The following ITGAE variants were observed in gnomAD, a reference collection of about 807,000 sequenced individuals.
ITGAE encodes integrin subunit alpha E, also known as integrin alpha-E.
In ITGAE, 99 loss-of-function variants were observed where a neutral mutation model predicts 136.5. That is an observed-to-expected ratio of 0.73 (90% confidence interval 0.62 to 0.86). The LOEUF (loss-of-function observed/expected upper bound fraction) is 0.86. ITGAE is among the 40% of genes least tolerant of loss of function. ITGAE has a pLI of 0.00. For missense variants in ITGAE, 1,447 were observed against 1,515.3 expected (o/e 0.95, Z 0.75); for synonymous variants, 613 against 591.8 (o/e 1.04, Z -0.52).
At chr17:3,749,137 C>T (rs1288541923) in intron 16 of ITGAE, among the ~76,000 whole-genome samples, 6 of 151,646 alleles carry the variant, frequency 4.0e-5, no homozygotes, top group African/African-American at 9.7e-5. Flanking sequence ...TCAAAGATGA[C>T]GCCTACGTTT....
At chr17:3,768,739 C>A (rs1597350627) in intron 2 of ITGAE, among the ~76,000 whole-genome samples, 1 of 152,352 alleles carries the variant, frequency 6.6e-6, no homozygotes, top group Non-Finnish European at 1.5e-5. Flanking sequence ...TGATTTCCTT[C>A]TCAGAACCTG....
rs775170860 is a variant in ITGAE at position 3,761,417 on chromosome 17, T to C, written c.419A>G (p.Asn140Ser). The change falls in exon 5 of 31, where the codon AAC becomes AGC. Residue 140 changes from asparagine to serine, a missense_variant. Asn to Ser is a conservative substitution (Grantham distance 46). Coordinates refer to ENST00000263087, the MANE Select transcript of ITGAE (RefSeq NM_002208.5). ...GPDLRPQAQA[N>S]FFDLENLLDP... Reference sequence around the variant, plus strand: ...CCAATCCTTACCAAGGTCGAAGAAGTTGGCCTGAGCCTGGGGACGGAGGTC... The same window carrying C: ...CCAATCCTTACCAAGGTCGAAGAAGCTGGCCTGAGCCTGGGGACGGAGGTC... 1 of 1,612,706 alleles carries C rather than the reference T, an allele frequency of 6.2e-7. No homozygotes were observed. The highest frequency in any genetic ancestry group is 1.7e-5 in the Admixed American group (1 of 59,732).
At chr17:3,729,991 C>T (rs1481128270) in intron 23 of ITGAE, among the ~76,000 whole-genome samples, 1 of 152,162 alleles carries the variant, frequency 6.6e-6, no homozygotes, top group Non-Finnish European at 1.5e-5. Context: ...AACCCAGCAC[C>T]TAGTTACTAA....
chr17:3,780,199 C>T (rs1285874557), intron 1 of ITGAE, among the ~76,000 whole-genome samples: 1 of 141,268 alleles, frequency 7.1e-6, no homozygotes, highest in African/African-American at 2.7e-5. Context: ...GAAATGGAGT[C>T]ACACTCTGTC....
rs571836596 is a variant in ITGAE at position 3,770,215 on chromosome 17, G to A, written c.156-6255C>T. The stretch of plus-strand genomic sequence containing the variant: ...GCTCACTGCAACCTCTGCCTCCTGG[G>A]TTCAAGTGATTCTCCTGCCTCAGCC... On this transcript the variant is annotated intron_variant, in intron 2 of 30. Coordinates refer to ENST00000263087, the MANE Select transcript of ITGAE (RefSeq NM_002208.5). 2.0e-5 allele frequency among the ~76,000 whole-genome samples: 3 copies of A among 151,220 alleles called. No individual in the cohort carries two copies. The East Asian group carries it at 5.8e-4, about 29-fold the overall frequency.
At chr17:3,748,184 G>A (rs908378260) in intron 16 of ITGAE, 132 bp from the exon 17 acceptor site, 17 of 857,660 alleles carry the variant, frequency 2.0e-5, no homozygotes, top group Non-Finnish European at 2.7e-5. Flanking sequence ...GAGTCTCAGG[G>A]TACAGTGGGG....
chr17:3,794,524 G>A (rs948322269), intron 1 of ITGAE, among the ~76,000 whole-genome samples: 2 of 152,138 alleles, frequency 1.3e-5, no homozygotes, highest in East Asian at 3.9e-4. Flanking sequence ...GGCCTGGCAT[G>A]GTGGCCCACC....
chr17:3,751,947 C>T (rs565986524), intron 14 of ITGAE, 73 bp from the exon 15 acceptor site: 41 of 1,308,642 alleles, frequency 3.1e-5, no homozygotes, highest in African/African-American at 4.4e-5. Context: ...CCCCGATGCA[C>T]GCTCACTGGG....
chr17:3,750,660 C>T (rs905204858), intron 15 of ITGAE, among the ~76,000 whole-genome samples, 178 bp from the exon 16 acceptor site: 1 of 152,048 alleles, frequency 6.6e-6, no homozygotes, highest in Non-Finnish European at 1.5e-5. Flanking sequence ...TTGGATGGAG[C>T]CTCGAAGGGC....
At chr17:3,752,612 C>A (rs561493942) in intron 14 of ITGAE, among the ~76,000 whole-genome samples, 1 of 151,832 alleles carries the variant, frequency 6.6e-6, no homozygotes, top group Non-Finnish European at 1.5e-5. Context: ...AAAAATTAGC[C>A]GGGTGTAGTG....
intron 28 of ITGAE, among the ~76,000 whole-genome samples, chr17:3,722,210 G>A (rs1390538804): frequency 6.6e-6 from 1 of 151,552 alleles, no homozygotes. Context: ...GGTCGGGTGC[G>A]GTGGCTCACG....
chr17:3,714,906 A>G lies in ITGAE; in HGVS notation c.3481T>C (p.Leu1161=). The change falls in exon 31 of 31, where the codon TTG becomes CTG. Residue 1161 remains leucine, a synonymous_variant. Transcript: ENST00000263087. ...AGCTGGGCCTTCCTGATGCTCTCCA[A>G]GTTCAGTTGTTGATATTTTCTTTTA... is the stretch of plus-strand genomic sequence containing the variant. ...FFKRKYQQLN[L]ESIRKAQLKS... The G allele has an allele frequency of 1.2e-6, 2 of 1,610,582 alleles. No homozygotes were observed. Among genetic ancestry groups the G allele is most frequent in the Non-Finnish European group, 1.7e-6 (2 of 1,178,672 alleles).
chr17:3,731,340 T>C (rs1028229695), intron 22 of ITGAE, among the ~76,000 whole-genome samples, 157 bp from the exon 23 acceptor site: 1 of 21,358 alleles, frequency 4.7e-5, no homozygotes, highest in African/African-American at 1.0e-4. Context: ...CCTTCCTTTT[T>C]TTTTTTTTTT....
intron 1 of ITGAE, among the ~76,000 whole-genome samples, chr17:3,795,491 A>G (rs2053043458): frequency 6.6e-6 from 1 of 152,186 alleles, no homozygotes; most frequent in Admixed American, 6.5e-5. Context: ...TGAGGCTCAG[A>G]GAGGGGTGTG....
At chr17:3,747,452 G>T (rs1455881013) in intron 17 of ITGAE, among the ~76,000 whole-genome samples, 2 of 152,090 alleles carry the variant, frequency 1.3e-5, no homozygotes, top group South Asian at 4.2e-4. Flanking sequence ...CGAGTAGCTG[G>T]GATTACAGGC....
In ITGAE at chr17:3,781,357, C is replaced by CT. The variant is rs374966247; in HGVS notation, c.35-3698dup. Among the ~76,000 whole-genome samples, 181 of 145,698 alleles carry CT rather than the reference C, an allele frequency of 1.2e-3. 1 individual carries two copies. The highest frequency in any genetic ancestry group is 2.5e-3 in the African/African-American group (99 of 39,748). ...TCTTTCATTTCTTTTTTCTTTCTTT[C>CT]TTTTTTTTTTGAGATAAAGTCTCGC... is the stretch of plus-strand genomic sequence containing the variant. On this transcript the variant is annotated intron_variant, in intron 1 of 30. Transcript: ENST00000263087.
chr17:3,776,650 C>T lies in ITGAE; in HGVS notation c.155+890G>A, dbSNP rs79366907. ...CACGGCTCCCTACAGCCTCGGCCTC[C>T]GGGCCCAAGTGGTCCTCCTGCCTCA... On this transcript the variant is annotated intron_variant, in intron 2 of 30. Transcript: ENST00000263087. 4.0e-3 allele frequency among the ~76,000 whole-genome samples: 616 copies of T among 152,222 alleles called. 2 individuals carry two copies. In the Middle Eastern group the frequency reaches 0.044, roughly 11 times the overall value.
At chr17:3,772,140 C>A (rs7211066) in intron 2 of ITGAE, among the ~76,000 whole-genome samples, 20,233 of 152,182 alleles carry the variant, frequency 0.13, 1,753 homozygotes, top group African/African-American at 0.24. Flanking sequence ...CCATCCCCTT[C>A]CCGTTCCTTC....
rs1251942421 is a variant in ITGAE, at chr17:3,754,954, C to A, written c.1384+163G>T. On this transcript the variant is annotated intron_variant, in intron 12 of 30. Coordinates refer to ENST00000263087, the MANE Select transcript of ITGAE (RefSeq NM_002208.5). ...CCAGGCCCCACCCTCGCCCAGGTAG[C>A]CTCCAGGCCCCGCCCTCACCCAGGT... Among the ~76,000 whole-genome samples, 11 of 143,056 alleles carry A rather than the reference C, an allele frequency of 7.7e-5. No homozygotes were observed. In the South Asian group the frequency reaches 2.2e-3, roughly 29 times the overall value. 93.9% of individuals were successfully genotyped at this position (143,056 alleles called of 152,430 possible).
Sources: gnomAD v4.1 joint callset for allele counts (sites outside exome capture counted in the v4.1 genomes callset) on GRCh38, gnomAD v4.1.1 for gene constraint, MANE v1.5 for transcripts, NCBI Gene and HGNC (gene_info 2026-07-23, HGNC 2026-07-21) for gene names.